The following AGAP1 variants were observed in gnomAD, a reference collection of about 807,000 sequenced individuals.
AGAP1 encodes the protein arf-GAP with GTPase, ANK repeat and PH domain-containing protein 1.
In AGAP1, 29 loss-of-function variants were observed where a neutral mutation model predicts 105.3. The observed-to-expected ratio is 0.28, with a 90% CI of 0.21 to 0.38. The LOEUF (loss-of-function observed/expected upper bound fraction) is 0.38, where lower values mean the gene tolerates loss of function less well. Among genes scored for constraint, AGAP1 ranks in the 10% least tolerant of loss-of-function variants. The pLI is 1.00. For missense variants in AGAP1, 998 were observed against 1,165.1 expected (o/e 0.86, Z 2.09); for synonymous variants, 509 against 485.9 (o/e 1.05, Z -0.63).
intron 1 of AGAP1, among the ~76,000 whole-genome samples, chr2:235,641,687 C>T (rs1304052123): frequency 6.6e-6 from 1 of 152,196 alleles, no homozygotes; most frequent in Non-Finnish European, 1.5e-5. Flanking sequence ...TTTAAAAATA[C>T]ATATTTTATT....
rs555517796 is a variant in AGAP1, at chr2:235,934,739, C to T, written c.1483+3816C>T. ...TAGTCTTTGGTTTGGATTTCAGAGTCGCTTACTCTGTGCTGGCAGCAGGAA... is the reference window on the plus strand; with the variant it reads ...TAGTCTTTGGTTTGGATTTCAGAGTTGCTTACTCTGTGCTGGCAGCAGGAA... On this transcript the variant is annotated intron_variant, in intron 12 of 17. Coordinates refer to ENST00000304032, the MANE Select transcript of AGAP1 (RefSeq NM_001037131.3). The surrounding 1 kb of genome is among the most constrained non-coding windows in gnomAD (Gnocchi z 4.9). Among the ~76,000 whole-genome samples, 4 of 152,034 alleles carry T rather than the reference C, an allele frequency of 2.6e-5. No individual in the cohort carries two copies. Among genetic ancestry groups the T allele is most frequent in the East Asian group, 1.9e-4 (1 of 5,168 alleles).
chr2:235,785,758 C>T (rs1378089168), intron 6 of AGAP1, among the ~76,000 whole-genome samples: 2 of 152,096 alleles, frequency 1.3e-5, no homozygotes, highest in Admixed American at 6.6e-5. Flanking sequence ...TTTTAAAATC[C>T]TTTGCCAGTC....
At chr2:235,548,654 CA>C (rs10643148) in intron 1 of AGAP1, among the ~76,000 whole-genome samples, 88 of 135,120 alleles carry the variant, frequency 6.5e-4, no homozygotes, top group East Asian at 8.6e-4. Context: ...ACTCCGTCTT[CA>C]AAAAAAAAAA....
intron 12 of AGAP1, among the ~76,000 whole-genome samples, chr2:235,937,271 G>A (rs919162424): frequency 1.3e-5 from 2 of 152,198 alleles, no homozygotes; most frequent in Non-Finnish European, 2.9e-5. Context: ...GGCTGACCCC[G>A]CTCCCTTCTG....
chr2:236,123,949 C>A lies in AGAP1; in HGVS notation c.2401C>A (p.His801Asn). 1.2e-6 allele frequency: 2 copies of A among 1,613,664 alleles called. No individual in the cohort carries two copies. The highest frequency in any genetic ancestry group is 1.7e-6 in the Non-Finnish European group (2 of 1,179,922). ...AGTGGACGTCACGGCCCGAGATGCC[C>A]ACGGGAACACAGCTCTGGCCTACGC... is the stretch of plus-strand genomic sequence containing the variant. Reference protein sequence around the residue: ...YGVDVTARDAHGNTALAYARQ... With the variant: ...YGVDVTARDANGNTALAYARQ... Residue 801 changes from histidine (H) to asparagine (N), a missense_variant, in exon 18 of 18, where the codon CAC (histidine) becomes AAC (asparagine). His to Asn is a moderately conservative substitution (Grantham distance 68). This residue lies in a region of AGAP1 where 235 missense variants were observed against 270.7 expected (regional missense o/e 0.87). Coordinates refer to ENST00000304032, the MANE Select transcript of AGAP1 (RefSeq NM_001037131.3). This position sits in a 1 kb window ranked among gnomAD's most constrained non-coding sequence, Gnocchi z 4.6.
At chr2:235,706,412 T>C (rs1559375852) in intron 1 of AGAP1, among the ~76,000 whole-genome samples, 1 of 151,796 alleles carries the variant, frequency 6.6e-6, no homozygotes, top group African/African-American at 2.4e-5. Context: ...TATTTTTCAG[T>C]AGAGTTGGGG....
intron 16 of AGAP1, among the ~76,000 whole-genome samples, chr2:236,066,101 G>C (rs975094858): frequency 6.6e-6 from 1 of 152,230 alleles, no homozygotes; most frequent in African/African-American, 2.4e-5. Flanking sequence ...GGGCCACCCT[G>C]CCCAAGCTCT....
chr2:235,779,637 T>C (rs1020961464), intron 6 of AGAP1, among the ~76,000 whole-genome samples: 2 of 152,232 alleles, frequency 1.3e-5, no homozygotes, highest in African/African-American at 4.8e-5. Context: ...AGAGGTGCCC[T>C]TGGGGCTGAG....
At chr2:235,810,413 C>G (rs1385404315) in intron 9 of AGAP1, among the ~76,000 whole-genome samples, 1 of 152,182 alleles carries the variant, frequency 6.6e-6, no homozygotes, top group Non-Finnish European at 1.5e-5. Context: ...GCAGAGGAGT[C>G]GTTTTAGAAC....
In AGAP1 at chr2:235,843,764, A is replaced by G. The variant is rs992411510; in HGVS notation, c.1050+36433A>G. Among the ~76,000 whole-genome samples the G allele has an allele frequency of 1.3e-5, 2 of 152,146 alleles. No homozygotes were observed. The highest frequency in any genetic ancestry group is 4.8e-5 in the African/African-American group (2 of 41,434). ...CAGGACCTCCCCACTGGACTTTTCC[A>G]AGATGTCAGTGGACAGCATAGAGCT... is the stretch of plus-strand genomic sequence containing the variant. On this transcript the variant is annotated intron_variant, in intron 9 of 17. Transcript: ENST00000304032. The surrounding 1 kb of genome is among the most constrained non-coding windows in gnomAD (Gnocchi z 5.9).
At chr2:235,710,466 T>C (rs1409017678) in intron 2 of AGAP1, among the ~76,000 whole-genome samples, 1 of 152,118 alleles carries the variant, frequency 6.6e-6, no homozygotes, top group Non-Finnish European at 1.5e-5. Context: ...CGGGGTGTCA[T>C]CAGCTGGGCC....
At chr2:235,861,975 T>A (rs1159556371) in intron 9 of AGAP1, among the ~76,000 whole-genome samples, 1 of 152,178 alleles carries the variant, frequency 6.6e-6, no homozygotes, top group Admixed American at 6.5e-5. Context: ...GGTTCCTGAG[T>A]GTCCTGGGCA....
intron 1 of AGAP1, among the ~76,000 whole-genome samples, chr2:235,563,554 G>T (rs958550639): frequency 7.2e-6 from 1 of 138,330 alleles, no homozygotes. Flanking sequence ...GGAAGTTGTC[G>T]TTTTATAACT....
chr2:235,748,611 G>A (rs1478806182), intron 5 of AGAP1, among the ~76,000 whole-genome samples: 2 of 152,058 alleles, frequency 1.3e-5, no homozygotes, highest in Non-Finnish European at 2.9e-5. Flanking sequence ...TTCCAGTAAC[G>A]AGGAAACGTC....
chr2:235,544,895 G>C (rs1157022419), intron 1 of AGAP1, among the ~76,000 whole-genome samples: 1 of 152,164 alleles, frequency 6.6e-6, no homozygotes, highest in Non-Finnish European at 1.5e-5. Context: ...AGTATTCTTG[G>C]TGTGGTGGGG....
intron 1 of AGAP1, among the ~76,000 whole-genome samples, chr2:235,595,569 A>G (rs1945499528): frequency 6.6e-6 from 1 of 152,188 alleles, no homozygotes; most frequent in African/African-American, 2.4e-5. Context: ...CACTTCCTAC[A>G]AAGTGAAGGC....
At chr2:235,658,465 G>C (rs557821698) in intron 1 of AGAP1, among the ~76,000 whole-genome samples, 42 of 151,878 alleles carry the variant, frequency 2.8e-4, no homozygotes, top group Non-Finnish European at 5.3e-4. Context: ...TATTAGCAAA[G>C]AGACATCTAC....
intron 10 of AGAP1, among the ~76,000 whole-genome samples, chr2:235,884,869 GCAGCAGCAGCA>G (rs2050197139): frequency 1.4e-5 from 1 of 69,276 alleles, no homozygotes; most frequent in African/African-American, 4.0e-5. Context: ...CACAGCAGCA[GCAGCAGCAGCA>G]GCAGTATTTT....
intron 1 of AGAP1, among the ~76,000 whole-genome samples, chr2:235,679,446 C>T (rs1401774472): frequency 6.6e-6 from 1 of 152,080 alleles, no homozygotes; most frequent in African/African-American, 2.4e-5. Context: ...CACTGTTTTC[C>T]CCTGTATTTT....
Sources: allele counts gnomAD v4.1 joint callset (sites outside exome capture counted in the v4.1 genomes callset), GRCh38; gene constraint gnomAD v4.1.1; regional missense constraint gnomAD v4.1.1; non-coding constraint Gnocchi (gnomAD v3.1); transcripts MANE v1.5; gene names NCBI Gene and HGNC (gene_info 2026-07-23, HGNC 2026-07-21).